Variants in MTARC1 observed in about 807,000 individuals in gnomAD.
MTARC1 encodes the protein mitochondrial amidoxime reducing component 1.
A neutral mutation model predicts 33.6 loss-of-function variants in MTARC1; 24 were observed. That is an observed-to-expected ratio of 0.72 (90% CI 0.52 to 1.01). The LOEUF (loss-of-function observed/expected upper bound fraction) is 1.01, where lower values mean the gene tolerates loss of function less well. MTARC1 is among the 50% of genes least tolerant of loss of function. The pLI, the probability that MTARC1 is intolerant of heterozygous loss-of-function variation, is 0.00. For missense variants in MTARC1, 417 were observed against 445.7 expected (o/e 0.94, Z 0.58); for synonymous variants, 187 against 189.5 (o/e 0.99, Z 0.11).
intron 6 of MTARC1, among the ~76,000 whole-genome samples, chr1:220,812,300 A>C (rs1470707052): frequency 6.6e-6 from 1 of 152,240 alleles, no homozygotes; most frequent in East Asian, 1.9e-4. Context: ...CAGGCTGAAT[A>C]GTTGGAATGT....
rs371910688 is a variant in MTARC1 at position 220,797,979 on chromosome 1, A to C, written c.718A>C (p.Asn240His). ...KKVKATNFRP[N>H]IVISGCDVYA... ...AGTTAAAGCAACCAACTTCAGGCCCAATATTGTAATTTCAGGATGCGATGT... is the reference window on the plus strand; with the variant it reads ...AGTTAAAGCAACCAACTTCAGGCCCCATATTGTAATTTCAGGATGCGATGT... Residue 240 changes from asparagine (N) to histidine (H), a missense_variant, in exon 4 of 7, where the codon AAT becomes CAT. Transcript: ENST00000366910. 1.9e-6 allele frequency: 3 copies of C among 1,614,110 alleles called. No homozygotes were observed. The highest frequency in any genetic ancestry group is 2.5e-6 in the Non-Finnish European group (3 of 1,180,042).
chr1:220,794,906 A>T (rs1370519513), intron 2 of MTARC1, among the ~76,000 whole-genome samples: 1 of 152,220 alleles, frequency 6.6e-6, no homozygotes, highest in Non-Finnish European at 1.5e-5. Context: ...CGCTTCAATA[A>T]AAAGTTTTTA....
chr1:220,817,292 GC>G lies in MTARC1; in HGVS notation c.*3876del. On this transcript the variant is annotated 3_prime_UTR_variant, in exon 7 of 7. Transcript: ENST00000366910. ...TGGTCTCGCTGACTTCAAGAATGAA[GC>G]CACAGACCTTCGCAGTGAGTGTTAC... 1 of 158,988 alleles carries G rather than the reference GC, an allele frequency of 6.3e-6. No homozygotes were observed. Among genetic ancestry groups the G allele is most frequent in the Non-Finnish European group, 1.4e-5 (1 of 73,498 alleles). 9.8% of individuals were successfully genotyped at this position (158,988 alleles called of 1,614,324 possible).
rs1192496673 is a variant in MTARC1, at chr1:220,818,093, A to G, written c.*4675A>G. On this transcript the variant is annotated 3_prime_UTR_variant, in exon 7 of 7. Transcript: ENST00000366910. ...TTATGATGATATCTAAAGTTACCCA[A>G]TTTCAAGCAAGAGGAAGAATCTGGC... 1.3e-5 allele frequency: 2 copies of G among 152,174 alleles called. No individual in the cohort carries two copies. The highest frequency in any genetic ancestry group is 2.4e-5 in the African/African-American group (1 of 41,436). 9.4% of individuals were successfully genotyped at this position (152,174 alleles called of 1,614,324 possible). A position where few individuals can be genotyped will look rare whatever the true frequency, so the allele number is the denominator to read the frequency against.
chr1:220,790,344 G>A (rs532942238), intron 1 of MTARC1, among the ~76,000 whole-genome samples: 17 of 152,204 alleles, frequency 1.1e-4, no homozygotes, highest in Non-Finnish European at 2.1e-4. Flanking sequence ...CCCTTGTTTA[G>A]GAGTTGGTTT....
In MTARC1 at chr1:220,815,164, G is replaced by A. The variant is rs1571686986; in HGVS notation, c.*1746G>A. On this transcript the variant is annotated 3_prime_UTR_variant, in exon 7 of 7. Transcript: ENST00000366910. The stretch of plus-strand genomic sequence containing the variant: ...TACAGATAGATTGAGACAAAGCGAA[G>A]TGTTCAGCAAGTAGCATTACTAATG... The A allele has an allele frequency of 6.6e-6, 1 of 152,278 alleles. No individual in the cohort carries two copies. The highest frequency in any genetic ancestry group is 2.1e-4 in the South Asian group (1 of 4,838). The allele number at this position is 152,278 out of a possible 1,614,324, so 9.4% of individuals were successfully genotyped here.
At chr1:220,790,692 A>T (rs1672394064) in intron 1 of MTARC1, among the ~76,000 whole-genome samples, 1 of 152,224 alleles carries the variant, frequency 6.6e-6, no homozygotes, top group Non-Finnish European at 1.5e-5. Context: ...TCAAAAGCAC[A>T]TGCTCACTTC....
intron 4 of MTARC1, chr1:220,799,130 T>C: frequency 1.0e-6 from 1 of 985,426 alleles, no homozygotes; most frequent in East Asian, 1.1e-4. Flanking sequence ...TAATGTAATT[T>C]ATGAGATGTA....
At chr1:220,788,007 C>CAAAAAAAAAAAAA (rs998849065) in intron 1 of MTARC1, among the ~76,000 whole-genome samples, 1 of 150,566 alleles carries the variant, frequency 6.6e-6, no homozygotes, top group South Asian at 2.1e-4. Flanking sequence ...GACTCCGAAT[C>CAAAAAAAAAAAAA]AAAAAAAGAA....
intron 4 of MTARC1, among the ~76,000 whole-genome samples, chr1:220,804,386 A>G (rs924358318): frequency 1.5e-4 from 23 of 152,292 alleles, no homozygotes; most frequent in Non-Finnish European, 2.4e-4. Flanking sequence ...TAAAATATTT[A>G]TCTTTAGAAT....
At chr1:220,807,584 C>T (rs1399290813) in intron 6 of MTARC1, among the ~76,000 whole-genome samples, 1 of 148,552 alleles carries the variant, frequency 6.7e-6, no homozygotes, top group Non-Finnish European at 1.5e-5. Flanking sequence ...CTCTGTCTCA[C>T]AAAAACAAAC....
intron 1 of MTARC1, among the ~76,000 whole-genome samples, chr1:220,787,752 G>C (rs1354098994): frequency 6.6e-6 from 1 of 152,170 alleles, no homozygotes; most frequent in Non-Finnish European, 1.5e-5. Flanking sequence ...CACTTTGGGA[G>C]GCCGAGGCGG....
intron 6 of MTARC1, among the ~76,000 whole-genome samples, chr1:220,809,331 A>G (rs1176520708): frequency 1.3e-5 from 2 of 152,112 alleles, no homozygotes; most frequent in Non-Finnish European, 2.9e-5. Context: ...ACTGTTTATA[A>G]ACTTGACACC....
Position 220,813,355 on chromosome 1 carries a change from T to A in MTARC1, c.951T>A (p.Tyr317Ter). Residue 317 changes from tyrosine (Y) to a stop codon, truncating the protein, a stop_gained, in exon 7 of 7, where the codon TAT (tyrosine) becomes TAA (stop). Transcript: ENST00000366910. LOFTEE classifies it high-confidence loss of function. ...LYGKSPLFGQ[Y>*]FVLENPGTIK... ...GAAAATCACCACTCTTTGGGCAGTATTTTGTGCTGGAAAACCCAGGGACCA... is the reference window on the plus strand; with the variant it reads ...GAAAATCACCACTCTTTGGGCAGTAATTTGTGCTGGAAAACCCAGGGACCA... 1 of 1,614,138 alleles carries A rather than the reference T, an allele frequency of 6.2e-7. No individual in the cohort carries two copies. Among genetic ancestry groups the A allele is most frequent in the East Asian group, 2.2e-5 (1 of 44,874 alleles).
chr1:220,799,366 C>T (rs1672716299), intron 4 of MTARC1, among the ~76,000 whole-genome samples: 1 of 152,152 alleles, frequency 6.6e-6, no homozygotes, highest in Admixed American at 6.5e-5. Context: ...GCCTGTCCTG[C>T]TCCTGTGCAC....
At chr1:220,805,990 A>G (rs1462199176) in intron 6 of MTARC1, among the ~76,000 whole-genome samples, 3 of 152,234 alleles carry the variant, frequency 2.0e-5, no homozygotes, top group African/African-American at 2.4e-5. Context: ...TAAAAAACAT[A>G]TAAATGCACA....
chr1:220,812,201 A>T (rs753161999), intron 6 of MTARC1, among the ~76,000 whole-genome samples: 2 of 152,208 alleles, frequency 1.3e-5, no homozygotes, highest in Admixed American at 6.5e-5. Context: ...GCAAGGTGAA[A>T]TCCAGCAGAG....
At position 220,804,079 on chromosome 1, in the gene MTARC1, C is replaced by A. The variant is rs951206863; in HGVS notation, c.754-973C>A. Among the ~76,000 whole-genome samples the A allele has an allele frequency of 3.9e-5, 6 of 152,328 alleles. No individual in the cohort carries two copies. In the South Asian group the frequency reaches 1.2e-3, roughly 32 times the overall value. On this transcript the variant is annotated intron_variant, in intron 4 of 6. Transcript: ENST00000366910. ...GCCCTCGTGTGGTGGGCAATTCTCT[C>A]CGAGGGTAAGAAGGTCAGGACTATA...
At chr1:220,800,184 C>T (rs1448060920) in intron 4 of MTARC1, among the ~76,000 whole-genome samples, 4 of 128,686 alleles carry the variant, frequency 3.1e-5, no homozygotes. Context: ...GAGTCTTACT[C>T]TAAAAACCCG....
Sources: allele counts gnomAD v4.1 joint callset (sites outside exome capture counted in the v4.1 genomes callset), GRCh38; gene constraint gnomAD v4.1.1; transcripts MANE v1.5; gene names NCBI Gene and HGNC (gene_info 2026-07-23, HGNC 2026-07-21).